TRPC4: variants seen among roughly 807,000 people sequenced by gnomAD.
TRPC4 encodes the protein transient receptor potential cation channel subfamily C member 4, also known as short transient receptor potential channel 4.
TRPC4 carries 49 observed loss-of-function variants against 99.4 expected under a neutral mutation model. That is an observed-to-expected ratio of 0.49 (90% CI 0.39 to 0.63). TRPC4 has a LOEUF of 0.63. TRPC4 is among the 20% of genes least tolerant of loss of function. The pLI, the probability that TRPC4 is intolerant of heterozygous loss-of-function variation, is 0.00. For synonymous variants in TRPC4, 454 were observed against 425.9 expected (o/e 1.07, Z -0.81); for missense variants, 898 against 1,152.9 (o/e 0.78, Z 3.20).
At chr13:37,819,180 A>T (rs1301489995) in intron 1 of TRPC4, among the ~76,000 whole-genome samples, 2 of 152,058 alleles carry the variant, frequency 1.3e-5, no homozygotes, top group Non-Finnish European at 2.9e-5. Context: ...AAAAAATTAC[A>T]GATGCTGGTG....
At chr13:37,811,991 C>T (rs763020605) in intron 1 of TRPC4, among the ~76,000 whole-genome samples, 7 of 151,400 alleles carry the variant, frequency 4.6e-5, no homozygotes, top group Non-Finnish European at 5.9e-5. Context: ...GGCAAAACAC[C>T]GTCTCTACTA....
intron 6 of TRPC4, among the ~76,000 whole-genome samples, chr13:37,660,823 T>C (rs747518704): frequency 2.6e-5 from 4 of 151,972 alleles, no homozygotes; most frequent in Admixed American, 6.6e-5. Context: ...AAAAAGAAAA[T>C]TAAAAACCAA....
intron 1 of TRPC4, among the ~76,000 whole-genome samples, chr13:37,801,808 CAGAT>C (rs5802906): frequency 0.26 from 38,767 of 151,638 alleles, 5,417 homozygotes; most frequent in East Asian, 0.43. Flanking sequence ...AAAAGGCTCA[CAGAT>C]AGGTAACATT....
chr13:37,639,459 A>G (rs993706182), intron 8 of TRPC4, among the ~76,000 whole-genome samples, 160 bp from the exon 9 acceptor site: 11 of 152,112 alleles, frequency 7.2e-5, no homozygotes, highest in African/African-American at 2.7e-4. Context: ...ACATGAATCA[A>G]AAGAATGAGT....
intron 4 of TRPC4, 132 bp from the exon 5 acceptor site, chr13:37,674,499 T>C: frequency 1.0e-6 from 1 of 953,438 alleles, no homozygotes; most frequent in East Asian, 2.8e-5. Flanking sequence ...ACATCTATTT[T>C]TTACAGGTAA....
At chr13:37,751,447 T>G (rs1225565879) in intron 2 of TRPC4, among the ~76,000 whole-genome samples, 2 of 152,114 alleles carry the variant, frequency 1.3e-5, no homozygotes, top group Non-Finnish European at 2.9e-5. Context: ...AAAGACTGTA[T>G]GGTTAACCAG....
At chr13:37,808,141 C>T (rs1404856800) in intron 1 of TRPC4, among the ~76,000 whole-genome samples, 1 of 151,920 alleles carries the variant, frequency 6.6e-6, no homozygotes, top group Non-Finnish European at 1.5e-5. Context: ...ATGGCCTGTG[C>T]ATTCAAAGGT....
intron 2 of TRPC4, among the ~76,000 whole-genome samples, chr13:37,778,397 G>T (rs891743754): frequency 6.6e-6 from 1 of 151,954 alleles, no homozygotes; most frequent in African/African-American, 2.4e-5. Flanking sequence ...TACTGGCATG[G>T]TGACAAACTC....
chr13:37,821,227 C>T (rs913792883), intron 1 of TRPC4, among the ~76,000 whole-genome samples: 2 of 149,204 alleles, frequency 1.3e-5, no homozygotes, highest in Non-Finnish European at 3.0e-5. Context: ...CACACACACA[C>T]ACACAAATAC....
intron 2 of TRPC4, among the ~76,000 whole-genome samples, chr13:37,775,452 G>A (rs764619319): frequency 2.0e-5 from 3 of 148,396 alleles, no homozygotes; most frequent in African/African-American, 5.0e-5. Context: ...ACATGTGCAG[G>A]TTTGTTACAC....
intron 2 of TRPC4, among the ~76,000 whole-genome samples, chr13:37,761,265 G>A (rs947994912): frequency 7.2e-5 from 11 of 151,834 alleles, no homozygotes; most frequent in African/African-American, 2.7e-4. Context: ...ATGTTTACAT[G>A]TACTATTATT....
At chr13:37,737,443 T>C (rs1955433341) in intron 3 of TRPC4, among the ~76,000 whole-genome samples, 1 of 152,080 alleles carries the variant, frequency 6.6e-6, no homozygotes, top group Non-Finnish European at 1.5e-5. Flanking sequence ...TATATCCAAT[T>C]CATAGACCTT....
chr13:37,760,987 G>A (rs565825583), intron 2 of TRPC4, among the ~76,000 whole-genome samples: 1 of 152,010 alleles, frequency 6.6e-6, no homozygotes, highest in East Asian at 2.0e-4. Context: ...AAGACTTATA[G>A]AGTTGACTTG....
chr13:37,796,379 T>C (rs1256875731), intron 1 of TRPC4, among the ~76,000 whole-genome samples: 1 of 152,210 alleles, frequency 6.6e-6, no homozygotes, highest in South Asian at 2.1e-4. Context: ...ACGAAGGTCA[T>C]GTGGGCTTTG....
intron 1 of TRPC4, among the ~76,000 whole-genome samples, chr13:37,856,275 T>C (rs1356966326): frequency 2.0e-5 from 3 of 150,414 alleles, no homozygotes; most frequent in African/African-American, 7.3e-5. Flanking sequence ...CTAGAAGAAA[T>C]GGACAAATTC....
At chr13:37,659,061 G>A (rs1952343653) in intron 6 of TRPC4, among the ~76,000 whole-genome samples, 1 of 152,150 alleles carries the variant, frequency 6.6e-6, no homozygotes, top group Non-Finnish European at 1.5e-5. Flanking sequence ...AGTGTTAATG[G>A]GGGATTGAAA....
At chr13:37,736,400 T>C (rs1431613107) in intron 3 of TRPC4, among the ~76,000 whole-genome samples, 1 of 152,190 alleles carries the variant, frequency 6.6e-6, no homozygotes, top group Non-Finnish European at 1.5e-5. Context: ...TTATATCTTT[T>C]TTCTACAGAT....
chr13:37,653,991 G>A (rs747797702), intron 7 of TRPC4, among the ~76,000 whole-genome samples: 19 of 152,084 alleles, frequency 1.2e-4, no homozygotes, highest in East Asian at 3.9e-4. Context: ...CCACAAATTC[G>A]GGTATTAACC....
In TRPC4 at chr13:37,633,307, C is replaced by T. The variant is rs1282022623; in HGVS notation, c.*3596G>A. Reference sequence around the variant, plus strand: ...TATTGTAAGCATATTTACAGGGCCACAATGGATGGTTCTTACTAGGTTGAG... The same window carrying T: ...TATTGTAAGCATATTTACAGGGCCATAATGGATGGTTCTTACTAGGTTGAG... On this transcript the variant is annotated 3_prime_UTR_variant, in exon 11 of 11. Coordinates refer to ENST00000379705, the MANE Select transcript of TRPC4 (RefSeq NM_016179.4). Among the ~76,000 whole-genome samples, 1 of 152,052 alleles carries T rather than the reference C, an allele frequency of 6.6e-6. No homozygotes were observed. The highest frequency in any genetic ancestry group is 1.5e-5 in the Non-Finnish European group (1 of 68,018).
Sources: gnomAD v4.1 joint callset for allele counts (sites outside exome capture counted in the v4.1 genomes callset) on GRCh38, gnomAD v4.1.1 for gene constraint, MANE v1.5 for transcripts, NCBI Gene and HGNC (gene_info 2026-07-23, HGNC 2026-07-21) for gene names.